The following NADK2 variants were observed in gnomAD, a reference collection of about 807,000 sequenced individuals.
The protein encoded by NADK2 is NAD kinase domain-containing protein 1, mitochondrial.
NADK2 carries 35 observed loss-of-function variants against 62.1 expected under a neutral mutation model. The observed-to-expected ratio is 0.56, with a 90% CI of 0.43 to 0.75. The LOEUF (loss-of-function observed/expected upper bound fraction) is 0.75. NADK2 is among the 30% of genes least tolerant of loss of function. The pLI, the probability that NADK2 is intolerant of heterozygous loss-of-function variation, is 0.00. For synonymous variants in NADK2, 205 were observed against 207.9 expected (o/e 0.99, Z 0.12); for missense variants, 439 against 561.3 (o/e 0.78, Z 2.20).
chr5:36,241,808 G>A lies in NADK2; in HGVS notation c.-10C>T. 2 of 1,310,486 alleles carry A rather than the reference G, an allele frequency of 1.5e-6. No individual in the cohort carries two copies. The allele number at this position is 1,310,486 out of a possible 1,614,324, so 81.2% of individuals were successfully genotyped here. A position where few individuals can be genotyped will look rare whatever the true frequency, so the allele number is the denominator to read the frequency against. On this transcript the variant is annotated 5_prime_UTR_variant, in exon 1 of 12. Transcript: ENST00000381937. This position sits in a 1 kb window ranked among gnomAD's most constrained non-coding sequence, Gnocchi z 4.9. Reference sequence around the variant, plus strand: ...CTCGGTAGCAAGTCATCGTGGGCCGGGCCGCGGCCGCGGGCTTGGGCTCGG... The same window carrying A: ...CTCGGTAGCAAGTCATCGTGGGCCGAGCCGCGGCCGCGGGCTTGGGCTCGG...
chr5:36,197,023 C>T (rs921704875), intron 11 of NADK2, among the ~76,000 whole-genome samples: 5 of 151,902 alleles, frequency 3.3e-5, no homozygotes, highest in African/African-American at 1.2e-4. Context: ...ATTGGGGAAC[C>T]TTTACAAAAT....
At chr5:36,224,299 G>T (rs946452083) in intron 4 of NADK2, among the ~76,000 whole-genome samples, 1 of 152,154 alleles carries the variant, frequency 6.6e-6, no homozygotes, top group Non-Finnish European at 1.5e-5. Flanking sequence ...TAATGATGAA[G>T]AAACATTTGC....
rs368962236 is a variant in NADK2, at chr5:36,219,620, T to C, written c.620A>G (p.Gln207Arg). The C allele has an allele frequency of 3.7e-6, 6 of 1,614,074 alleles. No individual in the cohort carries two copies. In the East Asian group the frequency reaches 6.7e-5, roughly 18 times the overall value. Residue 207 changes from glutamine (Q) to arginine (R), a missense_variant, in exon 5 of 12, where the codon CAG becomes CGG. Transcript: ENST00000381937. ...RYTHSFPEAL[Q>R]KFYRGEFRWL... is the part of the protein sequence containing the mutation. ...CCTGAACTCACCACGATAGAACTTC[T>C]GTAAGGCTTCTGGAAAGGAATGTGT...
At chr5:36,227,724 T>C (rs1318888349) in intron 1 of NADK2, among the ~76,000 whole-genome samples, 159 bp from the exon 2 acceptor site, 1 of 152,158 alleles carries the variant, frequency 6.6e-6, no homozygotes, top group Non-Finnish European at 1.5e-5. Flanking sequence ...CTAGAAAGCC[T>C]GATATCAGAA....
intron 1 of NADK2, among the ~76,000 whole-genome samples, chr5:36,230,154 C>T (rs545175656): frequency 6.6e-6 from 1 of 152,208 alleles, no homozygotes; most frequent in South Asian, 2.1e-4. Flanking sequence ...ACAAATGGCA[C>T]TTTCTTCCTA....
intron 2 of NADK2, 71 bp from the exon 3 acceptor site, chr5:36,226,634 G>C: frequency 9.6e-7 from 1 of 1,038,316 alleles, no homozygotes; most frequent in South Asian, 1.4e-5. Flanking sequence ...TGTTTTCTGA[G>C]AGGCAGATGA....
At chr5:36,208,512 A>G in intron 7 of NADK2, 1 of 761,152 alleles carries the variant, frequency 1.3e-6, no homozygotes, top group Non-Finnish European at 2.1e-6. Context: ...GCTCAGCCCA[A>G]AATAATGAGC....
chr5:36,223,297 G>A (rs759451775), intron 4 of NADK2, among the ~76,000 whole-genome samples: 23 of 152,182 alleles, frequency 1.5e-4, no homozygotes, highest in Non-Finnish European at 2.5e-4. Flanking sequence ...GCTGGCTGCA[G>A]TGGGGAGAAG....
At chr5:36,214,425 C>T (rs1746968092) in intron 6 of NADK2, among the ~76,000 whole-genome samples, 2 of 152,140 alleles carry the variant, frequency 1.3e-5, no homozygotes, top group South Asian at 4.2e-4. Context: ...GGTGATCTGC[C>T]CACCTCGGCC....
rs373493208 is a variant in NADK2, at chr5:36,241,487, G to A, written c.300+12C>T. ...GAGCCCGGGAGCGAAGCGGGGCCGA[G>A]CCAGGACCCACCAGCTGCTTCAGGT... On this transcript the variant is annotated intron_variant, in intron 1 of 11. Coordinates refer to ENST00000381937, the MANE Select transcript of NADK2 (RefSeq NM_001085411.3). This position sits in a 1 kb window ranked among gnomAD's most constrained non-coding sequence, Gnocchi z 4.9. 6.5e-7 allele frequency: 1 copy of A among 1,536,608 alleles called. No homozygotes were observed. The highest frequency in any genetic ancestry group is 1.4e-5 in the African/African-American group (1 of 70,806).
intron 6 of NADK2, among the ~76,000 whole-genome samples, chr5:36,215,257 C>T (rs1295307137): frequency 4.6e-5 from 7 of 152,162 alleles, no homozygotes; most frequent in Admixed American, 4.6e-4. Flanking sequence ...TGGGTCCTTT[C>T]AATTCAAAGA....
At chr5:36,201,755 T>G (rs1746457137) in intron 8 of NADK2, among the ~76,000 whole-genome samples, 1 of 151,988 alleles carries the variant, frequency 6.6e-6, no homozygotes, top group African/African-American at 2.4e-5. Context: ...CTGTATACCC[T>G]TTTGTACTTT....
chr5:36,209,427 C>T (rs933955984), intron 7 of NADK2, among the ~76,000 whole-genome samples: 1 of 152,106 alleles, frequency 6.6e-6, no homozygotes, highest in Non-Finnish European at 1.5e-5. Context: ...CTTTAAAATA[C>T]ACAAACAGAA....
At chr5:36,208,410 T>A (rs965367332) in intron 7 of NADK2, among the ~76,000 whole-genome samples, 1 of 151,794 alleles carries the variant, frequency 6.6e-6, no homozygotes, top group Non-Finnish European at 1.5e-5. Context: ...TATGCCAGAA[T>A]CAAGTAGAAA....
chr5:36,232,375 T>C (rs550223921), intron 1 of NADK2, among the ~76,000 whole-genome samples: 1 of 152,320 alleles, frequency 6.6e-6, no homozygotes, highest in East Asian at 1.9e-4. Context: ...ATTTAACACA[T>C]AATAAATGCA....
chr5:36,202,168 T>A (rs886856861), intron 8 of NADK2, among the ~76,000 whole-genome samples: 3 of 152,018 alleles, frequency 2.0e-5, no homozygotes, highest in Admixed American at 2.0e-4. Flanking sequence ...AACATGAGAA[T>A]TTTTTTCTTA....
chr5:36,193,379 G>A lies in NADK2; in HGVS notation c.*1765C>T, dbSNP rs918352393. On this transcript the variant is annotated 3_prime_UTR_variant, in exon 12 of 12. Transcript: ENST00000381937. ...TAATCCCAGCTACTTGGGAGGCTGAGGCAGGAGAATCGCTTGAACCTGGGA... is the reference window on the plus strand; with the variant it reads ...TAATCCCAGCTACTTGGGAGGCTGAAGCAGGAGAATCGCTTGAACCTGGGA... The A allele has an allele frequency of 6.6e-6, 1 of 151,162 alleles. No homozygotes were observed. Among genetic ancestry groups the A allele is most frequent in the Non-Finnish European group, 1.5e-5 (1 of 68,170 alleles). 9.4% of individuals were successfully genotyped at this position (151,162 alleles called of 1,614,324 possible).
At chr5:36,214,135 C>A (rs917764121) in intron 6 of NADK2, among the ~76,000 whole-genome samples, 3 of 152,124 alleles carry the variant, frequency 2.0e-5, no homozygotes, top group African/African-American at 7.2e-5. Flanking sequence ...GAACTGTGTT[C>A]ATTTAAAACT....
At chr5:36,224,776 A>G (rs188924790) in intron 4 of NADK2, among the ~76,000 whole-genome samples, 1 of 152,270 alleles carries the variant, frequency 6.6e-6, no homozygotes, top group African/African-American at 2.4e-5. Context: ...AGATCACCAT[A>G]AAGTCCAGGT....
Sources: gnomAD v4.1 joint callset for allele counts (sites outside exome capture counted in the v4.1 genomes callset) on GRCh38, gnomAD v4.1.1 for gene constraint, Gnocchi (gnomAD v3.1) non-coding constraint, MANE v1.5 for transcripts, NCBI Gene and HGNC (gene_info 2026-07-23, HGNC 2026-07-21) for gene names.